Variants in PRORP observed in about 807,000 individuals in gnomAD.
PRORP encodes the protein protein only RNase P catalytic subunit.
In PRORP, 51 loss-of-function variants were observed where a neutral mutation model predicts 59.4. That is an observed-to-expected ratio of 0.86 (90% confidence interval 0.69 to 1.08). The LOEUF (loss-of-function observed/expected upper bound fraction) is 1.08, where lower values mean the gene tolerates loss of function less well. Among genes scored for constraint, PRORP ranks in the 50% least tolerant of loss-of-function variants. The probability of loss-of-function intolerance (pLI) is 0.00; values close to 1 mark genes in which losing one functional copy is unlikely to be tolerated. For missense variants in PRORP, 646 were observed against 690.3 expected (o/e 0.94, Z 0.72); for synonymous variants, 231 against 245.6 (o/e 0.94, Z 0.55).
chr14:35,132,037 C>T (rs966559091), intron 4 of PRORP, among the ~76,000 whole-genome samples: 3 of 151,824 alleles, frequency 2.0e-5, no homozygotes, highest in Non-Finnish European at 4.4e-5. Context: ...ACGGGTTTCA[C>T]CATGTTGGCC....
chr14:35,153,674 C>A (rs2047838506), intron 4 of PRORP, among the ~76,000 whole-genome samples: 2 of 152,148 alleles, frequency 1.3e-5, no homozygotes, highest in Admixed American at 1.3e-4. Context: ...ATATTTCTGA[C>A]AACAGTTTCC....
chr14:35,229,613 A>G (rs1265596495), intron 5 of PRORP, among the ~76,000 whole-genome samples: 2 of 152,164 alleles, frequency 1.3e-5, no homozygotes, highest in African/African-American at 4.8e-5. Context: ...TAGTATGCCA[A>G]CCTTTTCATT....
chr14:35,155,490 G>A lies in PRORP; in HGVS notation c.1168-25180G>A, dbSNP rs1382260204. Among the ~76,000 whole-genome samples the A allele has an allele frequency of 1.3e-4, 20 of 150,626 alleles. No individual in the cohort carries two copies. In the South Asian group the frequency reaches 4.0e-3, roughly 30 times the overall value. On this transcript the variant is annotated intron_variant, in intron 4 of 7. Coordinates refer to ENST00000534898, the MANE Select transcript of PRORP (RefSeq NM_014672.4). ...TAATCCCAGCACTTCGGGAAGCTGA[G>A]GTGGGAGGATTGCTTGAGCCCAGGA... is the stretch of plus-strand genomic sequence containing the variant.
chr14:35,177,336 A>G (rs999745591), intron 4 of PRORP, among the ~76,000 whole-genome samples: 1 of 152,050 alleles, frequency 6.6e-6, no homozygotes, highest in African/African-American at 2.4e-5. Context: ...TCCTCCTTGT[A>G]CCTCTGGTAG....
At chr14:35,137,753 T>C (rs1433915495) in intron 4 of PRORP, among the ~76,000 whole-genome samples, 1 of 144,824 alleles carries the variant, frequency 6.9e-6, no homozygotes, top group Non-Finnish European at 1.5e-5. Flanking sequence ...TTTTGTTGGT[T>C]AGATGTGGCA....
At chr14:35,266,978 A>T in intron 6 of PRORP, 103 bp downstream of exon 6, 2 of 1,003,988 alleles carry the variant, frequency 2.0e-6, no homozygotes, top group South Asian at 2.5e-5. Flanking sequence ...GTGTATGTGT[A>T]TACTCACCCT....
chr14:35,198,758 G>T (rs775632212), intron 5 of PRORP, among the ~76,000 whole-genome samples: 27 of 152,352 alleles, frequency 1.8e-4, no homozygotes, highest in South Asian at 6.2e-4. Flanking sequence ...TGAGGGCTGG[G>T]CGCAGTGGCT....
intron 5 of PRORP, among the ~76,000 whole-genome samples, chr14:35,247,328 C>G (rs1009355200): frequency 6.6e-5 from 10 of 152,102 alleles, no homozygotes; most frequent in Non-Finnish European, 1.5e-4. Context: ...CTTCCTTTCT[C>G]TTACTATTTT....
chr14:35,275,964 T>A lies in PRORP; in HGVS notation c.*2398T>A, dbSNP rs1273165640. ...CTAGTTAGTGCAGACATTTCAGCCA[T>A]AACCCAGCTCTTCTAATTCCCAAAT... On this transcript the variant is annotated 3_prime_UTR_variant, in exon 8 of 8. Transcript: ENST00000534898. 1 of 152,294 alleles carries A rather than the reference T, an allele frequency of 6.6e-6. No homozygotes were observed. The highest frequency in any genetic ancestry group is 2.4e-5 in the African/African-American group (1 of 41,436). The allele number at this position is 152,294 out of a possible 1,614,324, so 9.4% of individuals were successfully genotyped here.
Position 35,276,045 on chromosome 14 carries a change from A to C in PRORP, c.*2479A>C, listed in dbSNP as rs2051290075. 6.6e-6 allele frequency: 1 copy of C among 150,560 alleles called. No individual in the cohort carries two copies. The highest frequency in any genetic ancestry group is 2.1e-4 in the South Asian group (1 of 4,736). 9.3% of individuals were successfully genotyped at this position (150,560 alleles called of 1,614,324 possible). ...GGGAGGAGTCAGGGCATGGTGGCCC[A>C]CACCTACAGTTCCAGCACTTTGGGA... On this transcript the variant is annotated 3_prime_UTR_variant, in exon 8 of 8. Transcript: ENST00000534898.
intron 4 of PRORP, among the ~76,000 whole-genome samples, chr14:35,153,118 C>T (rs12886786): frequency 2.6e-5 from 4 of 152,250 alleles, no homozygotes; most frequent in Non-Finnish European, 4.4e-5. Context: ...ACTGAGTGAG[C>T]GAGACTCCGT....
intron 5 of PRORP, among the ~76,000 whole-genome samples, chr14:35,239,364 A>AC (rs1289189046): frequency 1.3e-3 from 195 of 150,372 alleles, no homozygotes; most frequent in East Asian, 3.5e-3. Context: ...AAAAAAAAAA[A>AC]AACAAACTAC....
In PRORP at chr14:35,246,399, C is replaced by T. The variant is rs118191550; in HGVS notation, c.1276-20328C>T. ...ACTGAGGGGGCAAGGGTATCTGAGT[C>T]TAGGAATCTAATCCTTCTTCAGCAG... On this transcript the variant is annotated intron_variant, in intron 5 of 7. Transcript: ENST00000534898. 5.5e-3 allele frequency among the ~76,000 whole-genome samples: 836 copies of T among 152,320 alleles called. 3 individuals carry two copies. Among genetic ancestry groups the T allele is most frequent in the Non-Finnish European group, 9.0e-3 (615 of 68,036 alleles).
In PRORP at chr14:35,277,518, A is replaced by G. The variant is rs959265339; in HGVS notation, c.*3952A>G. On this transcript the variant is annotated 3_prime_UTR_variant, in exon 8 of 8. Transcript: ENST00000534898. ...GTGCTAAATAAACAAAGGAAGTTCC[A>G]TTTAGAGCTCTACAGAGGGGAAGCC... The G allele has an allele frequency of 6.6e-6, 1 of 150,712 alleles. No homozygotes were observed. The highest frequency in any genetic ancestry group is 1.5e-5 in the Non-Finnish European group (1 of 68,020). The allele number at this position is 150,712 out of a possible 1,614,324, so 9.3% of individuals were successfully genotyped here.
At chr14:35,194,963 T>C (rs2048973289) in intron 5 of PRORP, among the ~76,000 whole-genome samples, 1 of 133,282 alleles carries the variant, frequency 7.5e-6, no homozygotes, top group Non-Finnish European at 1.6e-5. Context: ...ATCATAATGC[T>C]TTTCAGAAAG....
At chr14:35,245,502 A>G (rs1431748134) in intron 5 of PRORP, among the ~76,000 whole-genome samples, 2 of 152,082 alleles carry the variant, frequency 1.3e-5, no homozygotes, top group Admixed American at 6.6e-5. Flanking sequence ...AAAATTAGCT[A>G]GGTGTTGTGG....
chr14:35,219,195 G>A (rs909588913), intron 5 of PRORP: 4 of 152,296 alleles, frequency 2.6e-5, no homozygotes, highest in Admixed American at 1.3e-4. Flanking sequence ...AGCCAGTAAG[G>A]TTCTCCATAC....
intron 5 of PRORP, among the ~76,000 whole-genome samples, chr14:35,213,384 T>G (rs1323410055): frequency 1.3e-5 from 2 of 152,120 alleles, no homozygotes; most frequent in African/African-American, 4.8e-5. Context: ...TGAGCTGTGA[T>G]TGCACAACTG....
intron 5 of PRORP, among the ~76,000 whole-genome samples, chr14:35,224,010 A>T (rs1484952196): frequency 1.3e-5 from 2 of 152,172 alleles, no homozygotes; most frequent in Non-Finnish European, 2.9e-5. Context: ...CATATATCTA[A>T]TAAGGGAAGT....
Sources: allele counts gnomAD v4.1 joint callset (sites outside exome capture counted in the v4.1 genomes callset), GRCh38; gene constraint gnomAD v4.1.1; transcripts MANE v1.5; gene names NCBI Gene and HGNC (gene_info 2026-07-23, HGNC 2026-07-21).